The following ARHGEF10 variants were observed in gnomAD, a reference collection of about 807,000 sequenced individuals.
ARHGEF10 encodes Rho guanine nucleotide exchange factor (GEF) 10.
Under a neutral mutation model 147.4 loss-of-function variants are expected in ARHGEF10, and 140 were observed. That is an observed-to-expected ratio of 0.95 (90% CI 0.83 to 1.09). The LOEUF is 1.09. Among genes scored for constraint, ARHGEF10 ranks in the 50% least tolerant of loss-of-function variants. ARHGEF10 has a pLI of 0.00. For missense variants in ARHGEF10, 2,222 were observed against 1,752.7 expected (o/e 1.27, Z -4.78); for synonymous variants, 902 against 695.8 (o/e 1.30, Z -4.67).
At chr8:1,896,582 C>A (rs1809993718) in intron 14 of ARHGEF10, 133 bp downstream of exon 14, 3 of 740,260 alleles carry the variant, frequency 4.1e-6, no homozygotes, top group Non-Finnish European at 7.0e-6. Flanking sequence ...TGGATTAATG[C>A]TAGAAATGAA....
At chr8:1,866,436 C>A (rs914729467) in intron 5 of ARHGEF10, 90 bp from the exon 6 acceptor site, 2 of 998,998 alleles carry the variant, frequency 2.0e-6, no homozygotes, top group South Asian at 2.5e-5. Context: ...CACACACACA[C>A]ACACACACAC....
intron 24 of ARHGEF10, 60 bp downstream of exon 24, chr8:1,928,710 G>A: frequency 6.3e-7 from 1 of 1,575,616 alleles, no homozygotes; most frequent in Non-Finnish European, 8.7e-7. Flanking sequence ...AGGGCGTGGT[G>A]GGGAGCCTGT....
chr8:1,938,738 C>T (rs955698816), intron 26 of ARHGEF10, among the ~76,000 whole-genome samples: 2 of 152,104 alleles, frequency 1.3e-5, no homozygotes, highest in African/African-American at 4.8e-5. Context: ...GAGTTCAAGG[C>T]CAGCCTGGGC....
chr8:1,853,121 T>C (rs1353264869), intron 2 of ARHGEF10, among the ~76,000 whole-genome samples: 1 of 152,174 alleles, frequency 6.6e-6, no homozygotes, highest in Non-Finnish European at 1.5e-5. Context: ...TGCCTGTGGG[T>C]CGGCACGGGC....
At chr8:1,879,094 T>C (rs1209823833) in intron 8 of ARHGEF10, among the ~76,000 whole-genome samples, 1 of 152,216 alleles carries the variant, frequency 6.6e-6, no homozygotes, top group African/African-American at 2.4e-5. Context: ...TATATGTTGT[T>C]CAAAAGTCAT....
chr8:1,859,287 GTTTC>G (rs1805886098), intron 3 of ARHGEF10, among the ~76,000 whole-genome samples: 3 of 141,616 alleles, frequency 2.1e-5, no homozygotes, highest in Admixed American at 7.2e-5. Context: ...TTTGCATGGT[GTTTC>G]TTTGTGTGCA....
intron 17 of ARHGEF10, 29 bp from the exon 18 acceptor site, chr8:1,909,266 G>A (rs117235646): frequency 0.039 from 63,336 of 1,614,092 alleles, 1,421 homozygotes; most frequent in Non-Finnish European, 0.046. Flanking sequence ...GTAATTATTC[G>A]TAAAACAAGG....
chr8:1,911,602 G>A (rs1381475566), intron 18 of ARHGEF10, among the ~76,000 whole-genome samples: 1 of 152,182 alleles, frequency 6.6e-6, no homozygotes, highest in Non-Finnish European at 1.5e-5. Flanking sequence ...ACCGTGCTTG[G>A]TGCTGGGACT....
At chr8:1,836,467 T>C (rs1446555970) in intron 1 of ARHGEF10, among the ~76,000 whole-genome samples, 2 of 151,716 alleles carry the variant, frequency 1.3e-5, no homozygotes, top group Non-Finnish European at 2.9e-5. Flanking sequence ...CTGTGGGGAG[T>C]TGCCAGCCAC....
At chr8:1,887,720 G>GACGCTAGATGGGATGAGGGTTTGTGAA in intron 11 of ARHGEF10, among the ~76,000 whole-genome samples, 2 of 146,350 alleles carry the variant, frequency 1.4e-5, no homozygotes, top group African/African-American at 5.2e-5. Context: ...GGGTTTGTGA[G>GACGCTAGATGGGATGAGGGTTTGTGAA]AAGACGCTAG....
chr8:1,824,151 G>A (rs1339835883), intron 1 of ARHGEF10, 38 bp downstream of exon 1: 1 of 152,170 alleles, frequency 6.6e-6, no homozygotes, highest in Non-Finnish European at 1.5e-5. Context: ...TCCCCTCGCG[G>A]GCTTCTGGTT....
intron 2 of ARHGEF10, among the ~76,000 whole-genome samples, chr8:1,848,784 T>C (rs1804747845): frequency 6.6e-6 from 1 of 152,240 alleles, no homozygotes; most frequent in Non-Finnish European, 1.5e-5. Context: ...GTAGTCTTTT[T>C]TTTTCCCCTT....
At chr8:1,918,559 T>C (rs894042563) in intron 18 of ARHGEF10, among the ~76,000 whole-genome samples, 1 of 151,994 alleles carries the variant, frequency 6.6e-6, no homozygotes, top group Non-Finnish European at 1.5e-5. Flanking sequence ...ACATGTATGG[T>C]TTAAAACATG....
chr8:1,873,269 G>C (rs1386151772), intron 7 of ARHGEF10, among the ~76,000 whole-genome samples: 2 of 152,230 alleles, frequency 1.3e-5, no homozygotes, highest in African/African-American at 2.4e-5. Flanking sequence ...GGCTGCAGGA[G>C]GGCACCGTGC....
At chr8:1,839,268 C>T (rs1431679757) in intron 1 of ARHGEF10, among the ~76,000 whole-genome samples, 2 of 147,578 alleles carry the variant, frequency 1.4e-5, no homozygotes, top group Non-Finnish European at 3.0e-5. Context: ...TGGGTACTGT[C>T]TGGTGTGGAA....
Position 1,860,081 on chromosome 8 carries a change from G to C in ARHGEF10, c.378G>C (p.Leu126Phe), listed in dbSNP as rs1277785304. 6.2e-7 allele frequency: 1 copy of C among 1,614,036 alleles called. No homozygotes were observed. Among genetic ancestry groups the C allele is most frequent in the Admixed American group, 1.7e-5 (1 of 60,018 alleles). Residue 126 changes from leucine (L) to phenylalanine (F), a missense_variant, in exon 4 of 29, where the codon TTG becomes TTC. By Grantham distance (22) the Leu-to-Phe change is conservative. Coordinates refer to ENST00000349830, the MANE Select transcript of ARHGEF10 (RefSeq NM_014629.4). ...GTCTCCATGTGCCCTGCGGGTACTT[G>C]GTGCCTGTACCCTGCGGCTATGCGG... Reference protein sequence around the residue: ...NVGLHVPCGYLVPVPCGYAVP... With the variant: ...NVGLHVPCGYFVPVPCGYAVP...
intron 14 of ARHGEF10, among the ~76,000 whole-genome samples, chr8:1,896,662 C>T (rs958371585): frequency 6.6e-6 from 1 of 152,212 alleles, no homozygotes; most frequent in African/African-American, 2.4e-5. Flanking sequence ...AGTGTATCAG[C>T]AGACAGACAG....
chr8:1,922,984 G>A lies in ARHGEF10; in HGVS notation c.2164G>A (p.Gly722Arg). The A allele has an allele frequency of 6.2e-7, 1 of 1,613,074 alleles. No homozygotes were observed. Among genetic ancestry groups the A allele is most frequent in the Non-Finnish European group, 8.5e-7 (1 of 1,179,628 alleles). ...TGTAGACAAAGTTTACATGGGGCCAGGACAACTGTATCAAGATTTACAAAA... is the reference window on the plus strand; with the variant it reads ...TGTAGACAAAGTTTACATGGGGCCAAGACAACTGTATCAAGATTTACAAAA... ...AKPNKVYMGP[G>R]QLYQDLQNLL... The change falls in exon 19 of 29, where the codon GGA (glycine) becomes AGA (arginine). Residue 722 changes from glycine to arginine, a missense_variant. By Grantham distance (125) the Gly-to-Arg change is moderately radical. Coordinates refer to ENST00000349830, the MANE Select transcript of ARHGEF10 (RefSeq NM_014629.4).
intron 21 of ARHGEF10, among the ~76,000 whole-genome samples, chr8:1,924,294 T>C (rs1171219071): frequency 1.3e-5 from 2 of 152,148 alleles, no homozygotes; most frequent in African/African-American, 2.4e-5. Flanking sequence ...GCTGGGGGGT[T>C]ACTAAAGATC....
Sources: allele counts gnomAD v4.1 joint callset (sites outside exome capture counted in the v4.1 genomes callset), GRCh38; gene constraint gnomAD v4.1.1; transcripts MANE v1.5; gene names NCBI Gene and HGNC (gene_info 2026-07-23, HGNC 2026-07-21).